POLR3E: variants seen among roughly 807,000 people sequenced by gnomAD.
The protein encoded by POLR3E is RNA polymerase III subunit E.
In POLR3E, 41 loss-of-function variants were observed where a neutral mutation model predicts 96.6. The ratio of observed to expected loss-of-function variants is 0.42; its 90% CI spans 0.33 to 0.55. The LOEUF (loss-of-function observed/expected upper bound fraction) is 0.55. Ranked by LOEUF, POLR3E falls within the 20% of genes least tolerant of loss-of-function variation. The pLI is 0.06. For missense variants in POLR3E, 849 were observed against 952.1 expected (o/e 0.89, Z 1.43); for synonymous variants, 396 against 383.6 (o/e 1.03, Z -0.38).
chr16:22,317,927 T>G (rs2048393372), intron 12 of POLR3E, among the ~76,000 whole-genome samples: 1 of 151,924 alleles, frequency 6.6e-6, no homozygotes, highest in African/African-American at 2.4e-5. Flanking sequence ...CCAGAACCTT[T>G]AGGGTACCCG....
intron 13 of POLR3E, among the ~76,000 whole-genome samples, chr16:22,321,873 G>C (rs1160449098): frequency 6.6e-6 from 1 of 152,216 alleles, no homozygotes; most frequent in Non-Finnish European, 1.5e-5. Context: ...CTGGGTGAGG[G>C]TCCTGTGTGT....
At position 22,325,763 on chromosome 16, in the gene POLR3E, C is replaced by T. The variant is rs2048568803; in HGVS notation, c.1351C>T (p.Pro451Ser). ...CAGTGCTGCCTCCCTCCCCGCAGGG[C>T]CTGCCGGGCTGGTCTGTGGGGACCA... is the stretch of plus-strand genomic sequence containing the variant. ...MPKKPDAQSG[P>S]AGLVCGDQRI... Residue 451 changes from proline to serine, a missense_variant and splice_region_variant, in exon 18 of 21, where the codon CCT (proline) becomes TCT (serine). By Grantham distance (74) the Pro-to-Ser change is moderately conservative (BLOSUM62 -1). Transcript: ENST00000299853. 3 of 1,555,106 alleles carry T rather than the reference C, an allele frequency of 1.9e-6. No homozygotes were observed. Among genetic ancestry groups the T allele is most frequent in the African/African-American group, 2.7e-5 (2 of 73,438 alleles).
At chr16:22,324,323 C>T in intron 14 of POLR3E, 31 bp from the exon 15 acceptor site, 1 of 1,599,720 alleles carries the variant, frequency 6.3e-7, no homozygotes, top group Non-Finnish European at 8.6e-7. Flanking sequence ...TCCGTGGCCG[C>T]CCCTGGAATG....
chr16:22,312,098 CTAGTGGGAGAGTG>C (rs1348056837), intron 6 of POLR3E, among the ~76,000 whole-genome samples: 1 of 152,148 alleles, frequency 6.6e-6, no homozygotes, highest in Non-Finnish European at 1.5e-5. Context: ...CTACCAGGGA[CTAGTGGGAGAGTG>C]GAGTGGGGAC....
rs2048493592 is a variant in POLR3E at position 22,322,665 on chromosome 16, G to C, written c.987-185G>C. Among the ~76,000 whole-genome samples the C allele has an allele frequency of 6.6e-6, 1 of 152,110 alleles. No homozygotes were observed. The highest frequency in any genetic ancestry group is 1.5e-5 in the Non-Finnish European group (1 of 68,030). On this transcript the variant is annotated intron_variant, in intron 13 of 20. Coordinates refer to ENST00000299853, the MANE Select transcript of POLR3E (RefSeq NM_018119.4). This position sits in a 1 kb window ranked among gnomAD's most constrained non-coding sequence, Gnocchi z 5.2. ...GAGGAAGAACTGGGGGGATGTGTGG[G>C]GTAGAGGGGTGCTTCTTTCCCATGT...
chr16:22,300,728 C>T (rs2048003923), intron 1 of POLR3E, among the ~76,000 whole-genome samples: 1 of 152,242 alleles, frequency 6.6e-6, no homozygotes, highest in Non-Finnish European at 1.5e-5. Context: ...CATCCTCCAT[C>T]TCTGGGACTG....
chr16:22,300,662 C>G (rs947538724), intron 1 of POLR3E, among the ~76,000 whole-genome samples: 1 of 152,202 alleles, frequency 6.6e-6, no homozygotes, highest in African/African-American at 2.4e-5. Flanking sequence ...TCTGTCTGCA[C>G]AGCAGACAGT....
chr16:22,298,018 C>T (rs963236992), intron 1 of POLR3E, among the ~76,000 whole-genome samples: 1 of 152,264 alleles, frequency 6.6e-6, no homozygotes, highest in Non-Finnish European at 1.5e-5. Flanking sequence ...CACTTCGCAG[C>T]TGAACCGGAT....
In POLR3E at chr16:22,325,800, T is replaced by G; in HGVS notation, c.1388T>G (p.Val463Gly). The G allele has an allele frequency of 2.5e-6, 4 of 1,599,562 alleles. No individual in the cohort carries two copies. The highest frequency in any genetic ancestry group is 3.4e-6 in the Non-Finnish European group (4 of 1,173,320). Residue 463 changes from valine to glycine, a missense_variant, in exon 18 of 21, where the codon GTA (valine) becomes GGA (glycine). Physicochemically the swap from Val to Gly is moderately radical, Grantham distance 109 (BLOSUM62 -3). Transcript: ENST00000299853. ...GLVCGDQRIQ[V>G]AKTKAQQNHA... is the part of the protein sequence containing the mutation. ...GTCTGTGGGGACCAGCGGATCCAAGTAGCCAAAACCAAGGCCCAGCAGAAC... is the reference window on the plus strand; with the variant it reads ...GTCTGTGGGGACCAGCGGATCCAAGGAGCCAAAACCAAGGCCCAGCAGAAC...
At chr16:22,297,828 C>T (rs1436572237) in intron 1 of POLR3E, among the ~76,000 whole-genome samples, 1 of 152,238 alleles carries the variant, frequency 6.6e-6, no homozygotes, top group Non-Finnish European at 1.5e-5. Context: ...AGGCCTCCTA[C>T]GGAAGAAACA....
At position 22,309,492 on chromosome 16, in the gene POLR3E, G is replaced by T. The variant is rs376659970; in HGVS notation, c.346G>T (p.Ala116Ser). The T allele has an allele frequency of 1.9e-6, 3 of 1,613,306 alleles. No homozygotes were observed. Among genetic ancestry groups the T allele is most frequent in the South Asian group, 2.2e-5 (2 of 91,066 alleles). The change falls in exon 6 of 21, where the codon GCT becomes TCT. Residue 116 changes from alanine (A) to serine (S), a missense_variant. Coordinates refer to ENST00000299853, the MANE Select transcript of POLR3E (RefSeq NM_018119.4). ...QTTSNTSRYA[A>S]ALYRQGELHL... is the part of the protein sequence containing the mutation. ...CACCAGTAACACATCCCGTTATGCC[G>T]CTGCACTCTACAGGCAAGGTACCCG...
chr16:22,333,635 C>T lies in POLR3E; in HGVS notation c.2071-9C>T. On this transcript the variant is annotated splice_polypyrimidine_tract_variant and intron_variant, in intron 20 of 20. Transcript: ENST00000299853. ...AAAAATCTGTGCTTACCCTGTTTCT[C>T]TCTCATAGGACTGCTGTGTAAGCTA... The T allele has an allele frequency of 6.2e-7, 1 of 1,605,094 alleles. No individual in the cohort carries two copies. The highest frequency in any genetic ancestry group is 1.3e-5 in the African/African-American group (1 of 74,882).
rs1403521906 is a variant in POLR3E at position 22,317,162 on chromosome 16, G to A, written c.821G>A (p.Arg274His). The change falls in exon 12 of 21, where the codon CGC (arginine) becomes CAC (histidine). Residue 274 changes from arginine (R) to histidine (H), a missense_variant. Transcript: ENST00000299853. ...AACGTCCTGTCGATGGCCCAGCTGC[G>A]CACGCTGCCCCTGGCCGATCAGATC... ...PSNVLSMAQL[R>H]TLPLADQIKI... is the part of the protein sequence containing the mutation. 3.4e-5 allele frequency: 55 copies of A among 1,613,822 alleles called. No individual in the cohort carries two copies. The highest frequency in any genetic ancestry group is 1.6e-4 in the Middle Eastern group (1 of 6,084).
In POLR3E at chr16:22,318,814, C is replaced by T. The variant is rs771022001; in HGVS notation, c.866-12C>T. ...CCTCTTCCTTGTCTGATGTCTCCTGCGTCCTCCTCAGTGAAGGTCATGCCT... is the reference window on the plus strand; with the variant it reads ...CCTCTTCCTTGTCTGATGTCTCCTGTGTCCTCCTCAGTGAAGGTCATGCCT... On this transcript the variant is annotated splice_polypyrimidine_tract_variant and intron_variant, in intron 12 of 20. Transcript: ENST00000299853. This position sits in a 1 kb window ranked among gnomAD's most constrained non-coding sequence, Gnocchi z 5.0. 7 of 1,610,986 alleles carry T rather than the reference C, an allele frequency of 4.3e-6. No homozygotes were observed. Among genetic ancestry groups the T allele is most frequent in the East Asian group, 4.5e-5 (2 of 44,764 alleles).
rs2048306782 is a variant in POLR3E at position 22,314,145 on chromosome 16, G to A, written c.522+17G>A. On this transcript the variant is annotated intron_variant, in intron 8 of 20. Transcript: ENST00000299853. ...CAGATCACGGTGAGCCCTGGCCCCT[G>A]GAGGAGGAGGGTGCTGCCTGGGCGG... 2 of 1,610,580 alleles carry A rather than the reference G, an allele frequency of 1.2e-6. No homozygotes were observed. The highest frequency in any genetic ancestry group is 1.7e-6 in the Non-Finnish European group (2 of 1,177,014).
Position 22,318,868 on chromosome 16 carries a change from C to A in POLR3E, c.908C>A (p.Pro303His). Reference sequence around the variant, plus strand: ...GCCAACTTGATGAGCCTCCTGGGCCCCTCCATCGATTCCGTGGCTGTTCTG... The same window carrying A: ...GCCAACTTGATGAGCCTCCTGGGCCACTCCATCGATTCCGTGGCTGTTCTG... ...PFANLMSLLG[P>H]SIDSVAVLRG... Residue 303 changes from proline to histidine, a missense_variant, in exon 13 of 21, where the codon CCC (proline) becomes CAC (histidine). Transcript: ENST00000299853. The surrounding 1 kb of genome is among the most constrained non-coding windows in gnomAD (Gnocchi z 5.0). The A allele has an allele frequency of 1.9e-6, 3 of 1,613,590 alleles. No homozygotes were observed. The highest frequency in any genetic ancestry group is 2.5e-6 in the Non-Finnish European group (3 of 1,179,696).
At chr16:22,321,394 G>A (rs531809606) in intron 13 of POLR3E, among the ~76,000 whole-genome samples, 15 of 152,346 alleles carry the variant, frequency 9.8e-5, no homozygotes, top group African/African-American at 3.6e-4. Context: ...GTATATTCGT[G>A]TTACTGCCAC....
At chr16:22,323,199 G>A (rs1272125437) in intron 14 of POLR3E, among the ~76,000 whole-genome samples, 1 of 152,102 alleles carries the variant, frequency 6.6e-6, no homozygotes, top group African/African-American at 2.4e-5. Context: ...ATATTGCCTT[G>A]GTTGTCAGAT....
chr16:22,328,757 A>G (rs1045413026), intron 19 of POLR3E, 170 bp downstream of exon 19: 6 of 620,234 alleles, frequency 9.7e-6, no homozygotes, highest in African/African-American at 3.6e-5. Context: ...AATAAGCTGT[A>G]TGTGCCAATA....
Sources: allele counts gnomAD v4.1 joint callset (sites outside exome capture counted in the v4.1 genomes callset), GRCh38; gene constraint gnomAD v4.1.1; non-coding constraint Gnocchi (gnomAD v3.1); transcripts MANE v1.5; gene names NCBI Gene and HGNC (gene_info 2026-07-23, HGNC 2026-07-21).